The following SP110 variants were observed in gnomAD, a reference collection of about 807,000 sequenced individuals.
The protein encoded by SP110 is SP110 nuclear body protein, also known as interferon-induced protein 41, 30kD.
Under a neutral mutation model 92.7 loss-of-function variants are expected in SP110, and 62 were observed. That is an observed-to-expected ratio of 0.67 (90% CI 0.55 to 0.83). The LOEUF is 0.83. Ranked by LOEUF, SP110 falls within the 40% of genes least tolerant of loss-of-function variation. The pLI, the probability that SP110 is intolerant of heterozygous loss-of-function variation, is 0.00. For missense variants in SP110, 793 were observed against 863.9 expected (o/e 0.92, Z 1.03); for synonymous variants, 273 against 305.3 (o/e 0.89, Z 1.10).
chr2:230,186,180 C>T (rs1484234997), intron 10 of SP110, 37 bp from the exon 11 acceptor site: 14 of 1,609,390 alleles, frequency 8.7e-6, no homozygotes, highest in African/African-American at 2.7e-5. Context: ...TTAGTGAGCT[C>T]CCTTCTCATG....
intron 14 of SP110, chr2:230,176,779 A>C: frequency 1.9e-6 from 3 of 1,573,094 alleles, no homozygotes; most frequent in Non-Finnish European, 2.6e-6. Context: ...TTTCTTTTGT[A>C]GATACTGGCC....
intron 10 of SP110, among the ~76,000 whole-genome samples, chr2:230,193,501 C>T (rs7592927): frequency 0.76 from 116,205 of 152,146 alleles, 44,496 homozygotes; most frequent in Admixed American, 0.83. Context: ...ATCAATCTTT[C>T]GTTTCAAGAG....
rs2078448305 is a variant in SP110, at chr2:230,171,779, G to A, written c.1816-12C>T. On this transcript the variant is annotated splice_polypyrimidine_tract_variant and intron_variant, in intron 16 of 18. Coordinates refer to ENST00000258381, the MANE Select transcript of SP110 (RefSeq NM_080424.4). ...AGGAACTCACATTTCTGTAAAATGT[G>A]AAGAGGGCTTGAAAGTGAAATGCAG... 1.2e-6 allele frequency: 2 copies of A among 1,601,200 alleles called. No homozygotes were observed. Among genetic ancestry groups the A allele is most frequent in the South Asian group, 2.2e-5 (2 of 90,780 alleles).
chr2:230,216,764 G>A lies in SP110; in HGVS notation c.147+17C>T. 4 of 1,613,472 alleles carry A rather than the reference G, an allele frequency of 2.5e-6. No homozygotes were observed. The highest frequency in any genetic ancestry group is 3.4e-6 in the Non-Finnish European group (4 of 1,179,724). ...GGTGGGGGCTGGGCTGCCATGGAAGGGTTCAACATGACTCACCATGTACAT... is the reference window on the plus strand; with the variant it reads ...GGTGGGGGCTGGGCTGCCATGGAAGAGTTCAACATGACTCACCATGTACAT... On this transcript the variant is annotated intron_variant, in intron 2 of 18. Coordinates refer to ENST00000258381, the MANE Select transcript of SP110 (RefSeq NM_080424.4).
At chr2:230,173,226 T>C in intron 14 of SP110, 2 of 418,962 alleles carry the variant, frequency 4.8e-6, no homozygotes, top group Non-Finnish European at 9.2e-6. Context: ...TTTTGAGCTG[T>C]GCTGCTGCCT....
chr2:230,176,859 A>C (rs1264461954), intron 14 of SP110: 4 of 876,568 alleles, frequency 4.6e-6, no homozygotes, highest in Non-Finnish European at 5.5e-6. Context: ...GTCAAAAAGA[A>C]AAATTAGCTC....
Position 230,217,261 on chromosome 2 carries a change from A to G in SP110, c.-1-333T>C, listed in dbSNP as rs1342411533. Among the ~76,000 whole-genome samples the G allele has an allele frequency of 4.0e-5, 6 of 151,842 alleles. No individual in the cohort carries two copies. In the East Asian group the frequency reaches 1.2e-3, roughly 29 times the overall value. ...ACTCCATCTCAAAAAAAAAAAAAAAAAAAATAGAAGCAAAACCTTGAGGAA... is the reference window on the plus strand; with the variant it reads ...ACTCCATCTCAAAAAAAAAAAAAAAGAAAATAGAAGCAAAACCTTGAGGAA... On this transcript the variant is annotated intron_variant, in intron 1 of 18. Coordinates refer to ENST00000258381, the MANE Select transcript of SP110 (RefSeq NM_080424.4).
rs189473377 is a variant in SP110 at position 230,197,762 on chromosome 2, G to A, written c.1129+3123C>T. Among the ~76,000 whole-genome samples the A allele has an allele frequency of 1.4e-4, 21 of 152,118 alleles. No homozygotes were observed. The East Asian group carries it at 4.1e-3, about 29-fold the overall frequency. ...GATCCAGTTTCAGCTTTCTACATAT[G>A]GCTAGCCAGTTTTCCCAGCACCATT... On this transcript the variant is annotated intron_variant, in intron 10 of 18. Coordinates refer to ENST00000258381, the MANE Select transcript of SP110 (RefSeq NM_080424.4).
At chr2:230,193,171 C>T (rs769094579) in intron 10 of SP110, among the ~76,000 whole-genome samples, 3 of 152,066 alleles carry the variant, frequency 2.0e-5, no homozygotes, top group Non-Finnish European at 4.4e-5. Flanking sequence ...AGAAAAGCTA[C>T]TCCTGTTTAC....
At chr2:230,201,131 G>C (rs1420238270) in intron 9 of SP110, among the ~76,000 whole-genome samples, 166 bp from the exon 10 acceptor site, 1 of 152,162 alleles carries the variant, frequency 6.6e-6, no homozygotes, top group African/African-American at 2.4e-5. Flanking sequence ...TCATGACACT[G>C]TGCCTGTCTG....
At position 230,172,915 on chromosome 2, in the gene SP110, T is replaced by C; in HGVS notation, c.1635A>G (p.Gln545=). Reference sequence around the variant, plus strand: ...GTGGACAAGTACCGCAGCAGAGAAGTTGTCCCCCTTGACAGCACACCTCGC... The same window carrying C: ...GTGGACAAGTACCGCAGCAGAGAAGCTGTCCCCCTTGACAGCACACCTCGC... ...DECEVCCQGG[Q]LLCCGTCPRV... The change falls in exon 15 of 19, where the codon CAA becomes CAG. Residue 545 remains glutamine (Q), a synonymous_variant. Coordinates refer to ENST00000258381, the MANE Select transcript of SP110 (RefSeq NM_080424.4). The C allele has an allele frequency of 6.2e-7, 1 of 1,614,142 alleles. No homozygotes were observed. The highest frequency in any genetic ancestry group is 8.5e-7 in the Non-Finnish European group (1 of 1,179,998).
Position 230,169,092 on chromosome 2 carries a change from G to T in SP110, c.*32C>A. On this transcript the variant is annotated 3_prime_UTR_variant, in exon 19 of 19. Transcript: ENST00000258381. ...CAGGGTCCCATCAGCTGAATCCTGA[G>T]GTGGGGATGCTTCAGTCTTTACAGA... 1 of 1,383,882 alleles carries T rather than the reference G, an allele frequency of 7.2e-7. No individual in the cohort carries two copies. Among genetic ancestry groups the T allele is most frequent in the South Asian group, 1.2e-5 (1 of 86,490 alleles). 85.7% of individuals were successfully genotyped at this position (1,383,882 alleles called of 1,614,324 possible).
intron 12 of SP110, among the ~76,000 whole-genome samples, chr2:230,182,101 A>G (rs1257138173): frequency 6.6e-6 from 1 of 152,272 alleles, no homozygotes; most frequent in Non-Finnish European, 1.5e-5. Context: ...TGTGGTACAT[A>G]TACACCACGG....
chr2:230,215,148 A>G, intron 2 of SP110, 30 bp from the exon 3 acceptor site: 1 of 1,563,224 alleles, frequency 6.4e-7, no homozygotes, highest in Non-Finnish European at 8.8e-7. Flanking sequence ...GTTTTTATAA[A>G]TGACTATAAA....
At chr2:230,225,268 A>G (rs773872694) in intron 1 of SP110, among the ~76,000 whole-genome samples, 14 of 152,186 alleles carry the variant, frequency 9.2e-5, no homozygotes, top group Non-Finnish European at 1.8e-4. Context: ...GGAGGAGTTG[A>G]GAGAGTTGTC....
At chr2:230,173,129 G>C in intron 14 of SP110, 170 bp from the exon 15 acceptor site, 1 of 620,092 alleles carries the variant, frequency 1.6e-6, no homozygotes, top group Admixed American at 2.1e-5. Context: ...CAAGACAAAT[G>C]GCACAACAAG....
chr2:230,171,307 G>A (rs2078434372), intron 17 of SP110, among the ~76,000 whole-genome samples: 1 of 152,210 alleles, frequency 6.6e-6, no homozygotes, highest in African/African-American at 2.4e-5. Flanking sequence ...GGCCAAGCTG[G>A]TCTCAAACTC....
At chr2:230,194,064 G>A (rs1424850002) in intron 10 of SP110, among the ~76,000 whole-genome samples, 3 of 152,232 alleles carry the variant, frequency 2.0e-5, no homozygotes, top group African/African-American at 4.8e-5. Context: ...AGGCCAGGGA[G>A]GGGAAGTGCA....
In SP110 at chr2:230,199,148, AT is replaced by A. The variant is rs113583785; in HGVS notation, c.1129+1736del. Among the ~76,000 whole-genome samples the A allele has an allele frequency of 8.7e-3, 1,209 of 139,044 alleles. 11 individuals are homozygous for A. The highest frequency in any genetic ancestry group is 0.028 in the African/African-American group (1,015 of 35,740). The allele number at this position is 139,044 out of a possible 152,430, so 91.2% of individuals were successfully genotyped here. A position where few individuals can be genotyped will look rare whatever the true frequency, so the allele number is the denominator to read the frequency against. On this transcript the variant is annotated intron_variant, in intron 10 of 18. Coordinates refer to ENST00000258381, the MANE Select transcript of SP110 (RefSeq NM_080424.4). Reference sequence around the variant, plus strand: ...AGCTACTATTATTATTATTATTATTATTTTTTTTTTTTTTTAGTGGGGTGAG... The same window carrying A: ...AGCTACTATTATTATTATTATTATTATTTTTTTTTTTTTTAGTGGGGTGAG...
Sources: gnomAD v4.1 joint callset for allele counts (sites outside exome capture counted in the v4.1 genomes callset) on GRCh38, gnomAD v4.1.1 for gene constraint, MANE v1.5 for transcripts, NCBI Gene and HGNC (gene_info 2026-07-23, HGNC 2026-07-21) for gene names.